The following LCLAT1 variants were observed in gnomAD, a reference collection of about 807,000 sequenced individuals.
The protein encoded by LCLAT1 is lysocardiolipin acyltransferase 1.
In LCLAT1, 11 loss-of-function variants were observed where a neutral mutation model predicts 30.7. That is an observed-to-expected ratio of 0.36 (90% confidence interval 0.23 to 0.59). The LOEUF is 0.59. LCLAT1 is among the 20% of genes least tolerant of loss of function. The pLI is 0.77. For missense variants in LCLAT1, 402 were observed against 458.6 expected (o/e 0.88, Z 1.13); for synonymous variants, 155 against 151.3 (o/e 1.02, Z -0.18).
intron 1 of LCLAT1, among the ~76,000 whole-genome samples, chr2:30,487,816 G>A (rs1296622461): frequency 6.6e-6 from 1 of 152,092 alleles, no homozygotes; most frequent in Non-Finnish European, 1.5e-5. Context: ...CCTGATGCTG[G>A]TGTTATAATT....
intron 5 of LCLAT1, among the ~76,000 whole-genome samples, chr2:30,604,814 G>GT (rs1217592608): frequency 6.6e-6 from 1 of 152,130 alleles, no homozygotes; most frequent in Non-Finnish European, 1.5e-5. Flanking sequence ...CATACTGTTT[G>GT]TTTTTAGAGG....
chr2:30,478,149 C>T (rs575270548), intron 1 of LCLAT1, among the ~76,000 whole-genome samples: 81 of 150,168 alleles, frequency 5.4e-4, no homozygotes, highest in African/African-American at 1.9e-3. Flanking sequence ...TGAGTTAACA[C>T]GAGATTGGGG....
At chr2:30,462,921 T>G (rs904872757) in intron 1 of LCLAT1, among the ~76,000 whole-genome samples, 7 of 152,134 alleles carry the variant, frequency 4.6e-5, no homozygotes. Context: ...TTTTAAAAAG[T>G]CTTCTTTGTA....
chr2:30,466,146 A>G (rs1682412764), intron 1 of LCLAT1, among the ~76,000 whole-genome samples: 1 of 152,028 alleles, frequency 6.6e-6, no homozygotes, highest in African/African-American at 2.4e-5. Context: ...TCTTTATTTT[A>G]TTAGAATTGT....
At chr2:30,495,787 A>G (rs1572525361) in intron 1 of LCLAT1, among the ~76,000 whole-genome samples, 1 of 152,142 alleles carries the variant, frequency 6.6e-6, no homozygotes, top group East Asian at 1.9e-4. Flanking sequence ...GTAGGTATCA[A>G]ACTTCTTTGC....
intron 3 of LCLAT1, among the ~76,000 whole-genome samples, chr2:30,541,334 T>C (rs991859119): frequency 2.0e-5 from 3 of 152,068 alleles, no homozygotes; most frequent in African/African-American, 2.4e-5. Flanking sequence ...TAAGGCTACA[T>C]TGAGCTATGA....
chr2:30,556,118 G>A (rs1379265738), intron 3 of LCLAT1, among the ~76,000 whole-genome samples: 1 of 151,948 alleles, frequency 6.6e-6, no homozygotes, highest in Non-Finnish European at 1.5e-5. Context: ...TAAGGGACTA[G>A]GTAATAAATA....
At chr2:30,613,294 A>G (rs1022138050) in intron 5 of LCLAT1, among the ~76,000 whole-genome samples, 46 of 152,186 alleles carry the variant, frequency 3.0e-4, no homozygotes, top group African/African-American at 1.1e-3. Flanking sequence ...GACTGACATT[A>G]TTAAAGGATT....
At chr2:30,623,224 T>G (rs1668352784) in intron 5 of LCLAT1, among the ~76,000 whole-genome samples, 2 of 151,978 alleles carry the variant, frequency 1.3e-5, no homozygotes, top group Non-Finnish European at 2.9e-5. Context: ...CAGCTAATTT[T>G]TTGTATTTTT....
chr2:30,503,849 C>G (rs543336885), intron 1 of LCLAT1, among the ~76,000 whole-genome samples: 3 of 152,152 alleles, frequency 2.0e-5, no homozygotes, highest in Non-Finnish European at 4.4e-5. Flanking sequence ...GCATTTTGTC[C>G]TAGCTTGACT....
intron 1 of LCLAT1, among the ~76,000 whole-genome samples, chr2:30,471,264 C>T (rs1002813067): frequency 1.3e-5 from 2 of 151,480 alleles, no homozygotes; most frequent in African/African-American, 4.9e-5. Flanking sequence ...GGCTGGAGTG[C>T]AGTGGTGTGA....
At chr2:30,473,670 T>G (rs1331367420) in intron 1 of LCLAT1, among the ~76,000 whole-genome samples, 1 of 152,222 alleles carries the variant, frequency 6.6e-6, no homozygotes, top group Non-Finnish European at 1.5e-5. Context: ...TTAAATCATC[T>G]GAAACAAATT....
chr2:30,557,253 C>G (rs1246008478), intron 3 of LCLAT1, among the ~76,000 whole-genome samples: 1 of 150,864 alleles, frequency 6.6e-6, no homozygotes, highest in Non-Finnish European at 1.5e-5. Context: ...ATGAAATAAA[C>G]ACATTGTAGG....
At chr2:30,550,457 C>T (rs1664630116) in intron 3 of LCLAT1, among the ~76,000 whole-genome samples, 1 of 152,154 alleles carries the variant, frequency 6.6e-6, no homozygotes, top group Non-Finnish European at 1.5e-5. Flanking sequence ...TCTTTTCTTG[C>T]TTTTCATGGT....
intron 5 of LCLAT1, among the ~76,000 whole-genome samples, chr2:30,589,703 G>A (rs1666607733): frequency 1.3e-5 from 2 of 152,152 alleles, no homozygotes; most frequent in Admixed American, 6.5e-5. Context: ...ACACAAATGT[G>A]TATACACACA....
At chr2:30,628,263 T>C (rs907996881) in intron 5 of LCLAT1, among the ~76,000 whole-genome samples, 1 of 151,890 alleles carries the variant, frequency 6.6e-6, no homozygotes, top group Non-Finnish European at 1.5e-5. Context: ...TTAGAAGACA[T>C]AAAATAAGAT....
At chr2:30,488,646 A>C (rs1683678561) in intron 1 of LCLAT1, among the ~76,000 whole-genome samples, 1 of 152,154 alleles carries the variant, frequency 6.6e-6, no homozygotes. Flanking sequence ...AAGTTTTAGC[A>C]CTCAATAACT....
intron 1 of LCLAT1, among the ~76,000 whole-genome samples, chr2:30,502,809 A>G (rs1192787538): frequency 3.3e-5 from 5 of 152,268 alleles, no homozygotes; most frequent in African/African-American, 1.2e-4. Context: ...TTTACTATGA[A>G]TAGTGCTGCT....
At chr2:30,486,089 C>T (rs1683545019) in intron 1 of LCLAT1, among the ~76,000 whole-genome samples, 1 of 152,072 alleles carries the variant, frequency 6.6e-6, no homozygotes, top group Admixed American at 6.5e-5. Context: ...CAAAGCAATA[C>T]AGGCTTGTTA....
Sources: allele counts gnomAD v4.1 joint callset (sites outside exome capture counted in the v4.1 genomes callset), GRCh38; gene constraint gnomAD v4.1.1; transcripts MANE v1.5; gene names NCBI Gene and HGNC (gene_info 2026-07-23, HGNC 2026-07-21).